ABL1: variants seen among roughly 807,000 people sequenced by gnomAD.
ABL1 encodes ABL proto-oncogene 1, non-receptor tyrosine kinase.
Under a neutral mutation model 94.7 loss-of-function variants are expected in ABL1, and 11 were observed. That is an observed-to-expected ratio of 0.12 (90% confidence interval 0.07 to 0.19). The LOEUF is 0.19. ABL1 is among the 10% of genes least tolerant of loss of function. The pLI is 1.00. For missense variants in ABL1, 1,082 were observed against 1,489.4 expected (o/e 0.73, Z 4.50); for synonymous variants, 656 against 622.4 (o/e 1.05, Z -0.80).
rs1832148434 is a variant in ABL1, at chr9:130,763,904, A to C, written c.136+49449A>C. The stretch of plus-strand genomic sequence containing the variant: ...GAGGCTTGCCACTCGCTGCCTGTAA[A>C]ATGAGCATCATAATGGCACGTGTAC... On this transcript the variant is annotated intron_variant, in intron 1 of 10. Transcript: ENST00000372348. Among the ~76,000 whole-genome samples, 3 of 152,156 alleles carry C rather than the reference A, an allele frequency of 2.0e-5. No homozygotes were observed. In the South Asian group the frequency reaches 6.2e-4, roughly 32 times the overall value.
chr9:130,713,069 G>A (rs1831390311), exon 1 of ABL1, among the ~76,000 whole-genome samples: 1 of 152,204 alleles, frequency 6.6e-6, no homozygotes, highest in Non-Finnish European at 1.5e-5. Flanking sequence ...CGCGGGGTTT[G>A]GTGTCTGTGC....
intron 1 of ABL1, among the ~76,000 whole-genome samples, chr9:130,823,807 G>A (rs1256515715): frequency 1.3e-5 from 2 of 152,156 alleles, no homozygotes; most frequent in South Asian, 4.1e-4. Flanking sequence ...GCAACTGAGG[G>A]GTTAAGGCCT....
chr9:130,776,260 C>A (rs1009249681), intron 1 of ABL1, among the ~76,000 whole-genome samples: 2 of 152,190 alleles, frequency 1.3e-5, no homozygotes, highest in Non-Finnish European at 2.9e-5. Flanking sequence ...AATACTCAAT[C>A]CTCTGTGAAA....
chr9:130,726,985 G>C (rs10901276), intron 1 of ABL1, among the ~76,000 whole-genome samples: 29,506 of 152,108 alleles, frequency 0.19, 3,538 homozygotes, highest in Middle Eastern at 0.38. Context: ...TAGATATCTT[G>C]GTTTCTAATT....
At chr9:130,821,325 T>C (rs1245318689) in intron 1 of ABL1, among the ~76,000 whole-genome samples, 1 of 152,140 alleles carries the variant, frequency 6.6e-6, no homozygotes, top group Non-Finnish European at 1.5e-5. Context: ...CAGGCGACCA[T>C]TCATTTGCTT....
At chr9:130,725,855 A>C in intron 1 of ABL1, among the ~76,000 whole-genome samples, 2 of 49,040 alleles carry the variant, frequency 4.1e-5, no homozygotes, top group African/African-American at 7.9e-5. Context: ...TTTTTTTGAG[A>C]CAGTCTCACT....
intron 3 of ABL1, among the ~76,000 whole-genome samples, chr9:130,855,947 G>A (rs1830967039): frequency 6.6e-6 from 1 of 151,980 alleles, no homozygotes; most frequent in South Asian, 2.1e-4. Context: ...ATGGAGTCTT[G>A]CCCTGTCACC....
At chr9:130,821,120 T>C (rs1202830791) in intron 1 of ABL1, among the ~76,000 whole-genome samples, 2 of 151,984 alleles carry the variant, frequency 1.3e-5, no homozygotes, top group African/African-American at 2.4e-5. Flanking sequence ...TTAGTAGAGA[T>C]AGGGTTTCAC....
exon 1 of ABL1, chr9:130,714,172 G>C (rs1271396561): frequency 5.6e-6 from 4 of 708,036 alleles, no homozygotes; most frequent in Non-Finnish European, 8.2e-6. Flanking sequence ...TGTTATGGAA[G>C]ATGTCTTTCT....
intron 1 of ABL1, among the ~76,000 whole-genome samples, chr9:130,826,977 C>G (rs1830434676): frequency 1.3e-5 from 2 of 152,148 alleles, no homozygotes; most frequent in African/African-American, 4.8e-5. Flanking sequence ...ACTCAGGAGG[C>G]TGAGGCAGGA....
chr9:130,849,421 G>A (rs1374401859), intron 1 of ABL1, among the ~76,000 whole-genome samples: 1 of 152,096 alleles, frequency 6.6e-6, no homozygotes, highest in Non-Finnish European at 1.5e-5. Context: ...ACCCACACTG[G>A]CTGTCAGCGT....
At chr9:130,817,035 C>T (rs1251619968) in intron 1 of ABL1, among the ~76,000 whole-genome samples, 1 of 152,172 alleles carries the variant, frequency 6.6e-6, no homozygotes, top group Non-Finnish European at 1.5e-5. Flanking sequence ...AGTCATCCCT[C>T]CCAGCCCTGG....
At chr9:130,818,338 C>T (rs747656630) in intron 1 of ABL1, among the ~76,000 whole-genome samples, 2 of 152,102 alleles carry the variant, frequency 1.3e-5, no homozygotes, top group African/African-American at 2.4e-5. Context: ...TACATCGTGG[C>T]GCATGCCTGT....
At chr9:130,805,165 C>T (rs1830108289) in intron 1 of ABL1, among the ~76,000 whole-genome samples, 1 of 152,222 alleles carries the variant, frequency 6.6e-6, no homozygotes, top group South Asian at 2.1e-4. Flanking sequence ...CAACCTCTGC[C>T]TCCTGGGTTC....
intron 1 of ABL1, among the ~76,000 whole-genome samples, chr9:130,750,331 T>C (rs549990874): frequency 7.4e-5 from 11 of 149,038 alleles, no homozygotes; most frequent in African/African-American, 1.5e-4. Flanking sequence ...AGTTGAACAG[T>C]AGGGATAAAT....
chr9:130,826,909 T>C (rs937342159), intron 1 of ABL1, among the ~76,000 whole-genome samples: 83 of 152,154 alleles, frequency 5.5e-4, no homozygotes, highest in African/African-American at 1.9e-3. Context: ...AAACACCATC[T>C]CTACTAAAAA....
intron 1 of ABL1, among the ~76,000 whole-genome samples, chr9:130,799,873 CT>C (rs11355108): frequency 0.12 from 17,492 of 147,360 alleles, 1,073 homozygotes; most frequent in Admixed American, 0.15. Flanking sequence ...GATATTTATA[CT>C]TTTTTTTTTT....
chr9:130,817,113 A>G (rs1830297572), intron 1 of ABL1, among the ~76,000 whole-genome samples: 1 of 152,372 alleles, frequency 6.6e-6, no homozygotes, highest in South Asian at 2.1e-4. Context: ...GTAGAATTAT[A>G]AAGTATCTAA....
intron 1 of ABL1, among the ~76,000 whole-genome samples, chr9:130,794,826 C>T (rs1370174475): frequency 6.6e-6 from 1 of 152,026 alleles, no homozygotes. Flanking sequence ...AATGTAGGTT[C>T]CACTCTTCTT....
Sources: gnomAD v4.1 joint callset for allele counts (sites outside exome capture counted in the v4.1 genomes callset) on GRCh38, gnomAD v4.1.1 for gene constraint, MANE v1.5 for transcripts, NCBI Gene and HGNC (gene_info 2026-07-23, HGNC 2026-07-21) for gene names.